GABRG3: variants seen among roughly 807,000 people sequenced by gnomAD.
GABRG3 encodes gamma-aminobutyric acid type A receptor subunit gamma3, also known as gamma-aminobutyric acid receptor subunit gamma-3.
Under a neutral mutation model 48.8 loss-of-function variants are expected in GABRG3, and 25 were observed. The observed-to-expected ratio is 0.51, with a 90% CI of 0.37 to 0.72. The LOEUF (loss-of-function observed/expected upper bound fraction) is 0.72, where lower values mean the gene tolerates loss of function less well. Among genes scored for constraint, GABRG3 ranks in the 30% least tolerant of loss-of-function variants. The pLI, the probability that GABRG3 is intolerant of heterozygous loss-of-function variation, is 0.00. For synonymous variants in GABRG3, 227 were observed against 217.6 expected, an observed-to-expected ratio of 1.04 and a Z score of -0.38; for missense variants, 394 against 577.9, an observed-to-expected ratio of 0.68 and a Z score of 3.26.
At chr15:27,504,095 A>G (rs1890706255) in intron 6 of GABRG3, among the ~76,000 whole-genome samples, 1 of 152,110 alleles carries the variant, frequency 6.6e-6, no homozygotes, top group Middle Eastern at 3.4e-3. Flanking sequence ...GGTAACCTGT[A>G]GTTGGGTCTT....
chr15:27,013,349 T>G (rs773149445), intron 2 of GABRG3, among the ~76,000 whole-genome samples: 7 of 152,172 alleles, frequency 4.6e-5, no homozygotes, highest in Non-Finnish European at 1.0e-4. Context: ...TCTTGGCTAT[T>G]GTGATGTGCA....
At chr15:27,293,966 T>C (rs762839379) in intron 3 of GABRG3, among the ~76,000 whole-genome samples, 1 of 152,148 alleles carries the variant, frequency 6.6e-6, no homozygotes, top group African/African-American at 2.4e-5. Context: ...TGTCTGTGCA[T>C]GTGACAAATG....
intron 5 of GABRG3, among the ~76,000 whole-genome samples, chr15:27,332,104 T>C (rs1366102639): frequency 1.3e-5 from 2 of 152,242 alleles, no homozygotes; most frequent in African/African-American, 2.4e-5. Flanking sequence ...AAAACACTCA[T>C]TGGTAATTTG....
chr15:27,248,145 C>G (rs1259977771), intron 3 of GABRG3, among the ~76,000 whole-genome samples: 2 of 152,184 alleles, frequency 1.3e-5, no homozygotes, highest in African/African-American at 2.4e-5. Flanking sequence ...TTTTCTAACT[C>G]TTATTGTGGC....
At chr15:27,345,833 C>T (rs1341633615) in intron 5 of GABRG3, among the ~76,000 whole-genome samples, 1 of 151,942 alleles carries the variant, frequency 6.6e-6, no homozygotes, top group Non-Finnish European at 1.5e-5. Context: ...GCAGGGGGAT[C>T]CCCTGAGGTC....
intron 2 of GABRG3, among the ~76,000 whole-genome samples, chr15:26,999,211 T>C (rs1294894319): frequency 6.6e-6 from 1 of 152,090 alleles, no homozygotes; most frequent in African/African-American, 2.4e-5. Context: ...GTAGTGACTA[T>C]TTACATAGCA....
intron 3 of GABRG3, among the ~76,000 whole-genome samples, chr15:27,206,621 A>T (rs1430370731): frequency 1.3e-5 from 2 of 152,150 alleles, no homozygotes; most frequent in African/African-American, 4.8e-5. Context: ...TTCTGCCTTG[A>T]TTATAGGTCT....
At chr15:27,238,413 G>C in intron 3 of GABRG3, among the ~76,000 whole-genome samples, 1 of 152,238 alleles carries the variant, frequency 6.6e-6, no homozygotes, top group Non-Finnish European at 1.5e-5. Context: ...GGCGCAGTGC[G>C]TCATCACTGC....
chr15:27,293,880 G>A (rs1321537300), intron 3 of GABRG3, among the ~76,000 whole-genome samples: 1 of 152,152 alleles, frequency 6.6e-6, no homozygotes, highest in African/African-American at 2.4e-5. Flanking sequence ...GAATCCCTAT[G>A]TCCAGGGAGC....
At chr15:27,015,750 TAG>T (rs1275631882) in intron 2 of GABRG3, among the ~76,000 whole-genome samples, 4 of 152,118 alleles carry the variant, frequency 2.6e-5, no homozygotes, top group Non-Finnish European at 5.9e-5. Flanking sequence ...GTATACTCTA[TAG>T]ATATTTTCTT....
chr15:27,335,228 G>C (rs1893925661), intron 5 of GABRG3, among the ~76,000 whole-genome samples: 1 of 136,766 alleles, frequency 7.3e-6, no homozygotes, highest in African/African-American at 3.3e-5. Flanking sequence ...TTGAGTCCCA[G>C]CTTTCAGTTC....
At chr15:27,441,743 C>T (rs71465230) in intron 5 of GABRG3, among the ~76,000 whole-genome samples, 16,232 of 152,130 alleles carry the variant, frequency 0.11, 1,352 homozygotes, top group African/African-American at 0.23. Flanking sequence ...TTCTTCTCTG[C>T]GCCTTGACCT....
chr15:27,365,502 G>C (rs1287790935), intron 5 of GABRG3: 2 of 152,192 alleles, frequency 1.3e-5, no homozygotes, highest in African/African-American at 4.8e-5. Context: ...CAGGTATTTT[G>C]CAGGATTTTC....
At chr15:27,344,693 G>A (rs1894305795) in intron 5 of GABRG3, among the ~76,000 whole-genome samples, 1 of 136,754 alleles carries the variant, frequency 7.3e-6, no homozygotes, top group Non-Finnish European at 1.5e-5. Flanking sequence ...AACTAATTGG[G>A]AAATTACCAA....
chr15:27,209,174 C>G (rs1888984873), intron 3 of GABRG3, among the ~76,000 whole-genome samples: 1 of 152,174 alleles, frequency 6.6e-6, no homozygotes, highest in African/African-American at 2.4e-5. Context: ...TCAGTCACAG[C>G]ACCCACTTGC....
chr15:27,494,618 T>G (rs891398913), intron 6 of GABRG3, among the ~76,000 whole-genome samples: 2 of 152,152 alleles, frequency 1.3e-5, no homozygotes, highest in African/African-American at 4.8e-5. Flanking sequence ...AGTTACCACA[T>G]TTATGTTTGA....
rs1324355191 is a variant in GABRG3 at position 27,088,250 on chromosome 15, C to CGGGCGCGGGGGT, written c.270+61440_270+61441insTGGGCGCGGGGG. Among the ~76,000 whole-genome samples the CGGGCGCGGGGGT allele has an allele frequency of 1.5e-4, 7 of 47,310 alleles. No individual in the cohort carries two copies. In the East Asian group the frequency reaches 5.8e-3, roughly 39 times the overall value. 31.0% of individuals were successfully genotyped at this position (47,310 alleles called of 152,430 possible). On this transcript the variant is annotated intron_variant, in intron 3 of 9. Transcript: ENST00000615808. ...CGGTGCGTTCTGGGAGTGCTCGGGGCGGGCGCGGGGGCGGGCGCGGGGGCG... is the reference window on the plus strand; with the variant it reads ...CGGTGCGTTCTGGGAGTGCTCGGGGCGGGCGCGGGGGTGGGCGCGGGGGCGGGCGCGGGGGCG...
At chr15:27,304,597 C>A (rs998203575) in intron 3 of GABRG3, among the ~76,000 whole-genome samples, 1 of 151,858 alleles carries the variant, frequency 6.6e-6, no homozygotes, top group Non-Finnish European at 1.5e-5. Context: ...CACATTCCCC[C>A]ATCCATGACT....
Position 27,539,898 on chromosome 15 carries a change from C to T in GABRG3, c.*7017C>T, listed in dbSNP as rs560102315. The T allele has an allele frequency of 2.0e-4, 30 of 152,320 alleles. No homozygotes were observed. The highest frequency in any genetic ancestry group is 7.2e-4 in the African/African-American group (30 of 41,570). 9.4% of individuals were successfully genotyped at this position (152,320 alleles called of 1,614,324 possible). ...TGTGGCAAAAGATGCACATAACTTG[C>T]TCCCTCAAGTTCTAAATTGTCACCA... On this transcript the variant is annotated 3_prime_UTR_variant, in exon 10 of 10. Transcript: ENST00000615808.
Sources: allele counts gnomAD v4.1 joint callset (sites outside exome capture counted in the v4.1 genomes callset), GRCh38; gene constraint gnomAD v4.1.1; transcripts MANE v1.5; gene names NCBI Gene and HGNC (gene_info 2026-07-23, HGNC 2026-07-21).